The following IL1RAPL1 variants were observed in gnomAD, a reference collection of about 807,000 sequenced individuals.
IL1RAPL1 encodes interleukin 1 receptor accessory protein like 1.
In IL1RAPL1, 3 loss-of-function variants were observed where a neutral mutation model predicts 48.4. The observed-to-expected ratio is 0.06, with a 90% CI of 0.03 to 0.16. The LOEUF (loss-of-function observed/expected upper bound fraction) is 0.16. IL1RAPL1 is among the 10% of genes least tolerant of loss of function. The pLI is 1.00. For synonymous variants in IL1RAPL1, 185 were observed against 187.7 expected (o/e 0.99, Z 0.12); for missense variants, 349 against 530.6 (o/e 0.66, Z 3.36).
intron 2 of IL1RAPL1, among the ~76,000 whole-genome samples, chrX:29,117,287 T>G (rs1412514101): frequency 1.8e-5 from 2 of 111,950 alleles, no homozygotes; most frequent in African/African-American, 6.5e-5. Flanking sequence ...AGCTAAGTTA[T>G]GTGACGACCA....
At chrX:28,718,701 T>C (rs1315864314) in intron 1 of IL1RAPL1, among the ~76,000 whole-genome samples, 1 of 112,045 alleles carries the variant, frequency 8.9e-6, no homozygotes, top group Non-Finnish European at 1.9e-5. Flanking sequence ...TTTACAAATA[T>C]TACAAATGTA....
intron 2 of IL1RAPL1, among the ~76,000 whole-genome samples, chrX:28,947,215 T>C (rs1924328147): frequency 8.9e-6 from 1 of 111,890 alleles, no homozygotes; most frequent in Non-Finnish European, 1.9e-5. Context: ...TGTATGTACA[T>C]GTGTATGTTT....
chrX:29,209,396 T>G (rs1449231205), intron 2 of IL1RAPL1, among the ~76,000 whole-genome samples: 1 of 112,307 alleles, frequency 8.9e-6, no homozygotes, highest in Non-Finnish European at 1.9e-5. Context: ...TTCATCTTGT[T>G]TTCTCACTAA....
intron 5 of IL1RAPL1, among the ~76,000 whole-genome samples, chrX:29,651,492 A>G (rs970149897): frequency 9.0e-6 from 1 of 111,513 alleles, no homozygotes; most frequent in Non-Finnish European, 1.9e-5. Flanking sequence ...TCTGGAAGGC[A>G]TAAGTTTAAG....
intron 2 of IL1RAPL1, among the ~76,000 whole-genome samples, chrX:29,108,185 A>C (rs981806821): frequency 5.4e-5 from 6 of 111,880 alleles, no homozygotes; most frequent in Admixed American, 3.8e-4. Flanking sequence ...GCAATTATGC[A>C]TGATATACTC....
chrX:29,529,599 C>CA (rs59465203), intron 5 of IL1RAPL1, among the ~76,000 whole-genome samples: 1,558 of 77,433 alleles, frequency 0.02, 17 homozygotes, highest in Admixed American at 0.039. Flanking sequence ...GCCTCTGTCT[C>CA]AAAAAAAAAA....
intron 1 of IL1RAPL1, among the ~76,000 whole-genome samples, chrX:28,679,613 C>T (rs1935035292): frequency 1.8e-5 from 2 of 111,296 alleles, no homozygotes. Flanking sequence ...AAATATTTAA[C>T]CACTTTGAAC....
intron 1 of IL1RAPL1, among the ~76,000 whole-genome samples, chrX:28,767,982 G>A (rs1442050760): frequency 1.8e-5 from 2 of 111,276 alleles, no homozygotes; most frequent in South Asian, 3.7e-4. Context: ...CATAGAATAT[G>A]TCTGTTAAAT....
At chrX:29,236,545 C>CTTTTTTTTTTTT (rs754996544) in intron 2 of IL1RAPL1, among the ~76,000 whole-genome samples, 17 of 63,184 alleles carry the variant, frequency 2.7e-4, no homozygotes, top group African/African-American at 4.7e-4. Context: ...CTTTTTTTTT[C>CTTTTTTTTTTTT]TTTTTTTTTT....
intron 6 of IL1RAPL1, among the ~76,000 whole-genome samples, chrX:29,823,364 G>A (rs1930661469): frequency 8.9e-6 from 1 of 111,911 alleles, no homozygotes; most frequent in South Asian, 3.7e-4. Flanking sequence ...GATATTTCCA[G>A]AAGTCTCAAG....
chrX:29,742,681 A>G (rs186558929), intron 6 of IL1RAPL1, among the ~76,000 whole-genome samples: 25 of 112,229 alleles, frequency 2.2e-4, no homozygotes, highest in Middle Eastern at 9.2e-3. Flanking sequence ...AGTTGAACCA[A>G]TGAAACATAC....
intron 3 of IL1RAPL1, among the ~76,000 whole-genome samples, chrX:29,331,041 C>T (rs1490482909): frequency 9.0e-6 from 1 of 110,722 alleles, no homozygotes; most frequent in African/African-American, 3.3e-5. Flanking sequence ...GTGGCACACG[C>T]TTGTAATCCC....
intron 2 of IL1RAPL1, among the ~76,000 whole-genome samples, chrX:28,984,679 C>T (rs1925423164): frequency 9.0e-6 from 1 of 111,250 alleles, no homozygotes; most frequent in Non-Finnish European, 1.9e-5. Flanking sequence ...AGATCTGTCT[C>T]TTTATCCATT....
At chrX:29,537,919 C>G (rs923941911) in intron 5 of IL1RAPL1, among the ~76,000 whole-genome samples, 9 of 111,400 alleles carry the variant, frequency 8.1e-5, no homozygotes, top group Non-Finnish European at 1.5e-4. Flanking sequence ...TTTTCCTAAA[C>G]TTCTAAAACA....
At chrX:29,354,238 A>C (rs1158046741) in intron 3 of IL1RAPL1, among the ~76,000 whole-genome samples, 2 of 111,076 alleles carry the variant, frequency 1.8e-5, no homozygotes, top group Non-Finnish European at 3.8e-5. Flanking sequence ...TCACACTACT[A>C]ATTTTCTACA....
chrX:29,277,069 CA>C (rs1037859424), intron 2 of IL1RAPL1, among the ~76,000 whole-genome samples: 1 of 111,860 alleles, frequency 8.9e-6, no homozygotes, highest in African/African-American at 3.2e-5. Context: ...ACTAAATAGT[CA>C]AAAGAATGAA....
chrX:29,809,421 A>G (rs750474098), intron 6 of IL1RAPL1, among the ~76,000 whole-genome samples: 1 of 110,277 alleles, frequency 9.1e-6, no homozygotes, highest in African/African-American at 3.3e-5. Context: ...ACGTTTTTAT[A>G]CTTGATCTCT....
chrX:29,450,623 A>T (rs1236215250), intron 5 of IL1RAPL1, among the ~76,000 whole-genome samples: 2 of 111,924 alleles, frequency 1.8e-5, no homozygotes, highest in Non-Finnish European at 3.8e-5. Flanking sequence ...TGTGTGCATC[A>T]TTTTAAGCCC....
intron 6 of IL1RAPL1, among the ~76,000 whole-genome samples, chrX:29,733,750 A>G (rs1927978699): frequency 1.8e-5 from 2 of 112,538 alleles, no homozygotes. Flanking sequence ...TCTCAAAGTT[A>G]GTATCATCTT....
Sources: gnomAD v4.1 joint callset for allele counts (sites outside exome capture counted in the v4.1 genomes callset) on GRCh38, gnomAD v4.1.1 for gene constraint, MANE v1.5 for transcripts, NCBI Gene and HGNC (gene_info 2026-07-23, HGNC 2026-07-21) for gene names.